STX7: variants seen among roughly 807,000 people sequenced by gnomAD.
The protein encoded by STX7 is syntaxin 7.
A neutral mutation model predicts 39.6 loss-of-function variants in STX7; 34 were observed. The observed-to-expected ratio is 0.86, with a 90% CI of 0.65 to 1.14. The LOEUF (loss-of-function observed/expected upper bound fraction) is 1.14, where lower values mean the gene tolerates loss of function less well. Ranked by LOEUF, STX7 falls within the 50% of genes most tolerant of loss-of-function variation. STX7 has a pLI of 0.00. For missense variants in STX7, 284 were observed against 310.4 expected, an observed-to-expected ratio of 0.92 and a Z score of 0.64; for synonymous variants, 119 against 99.1, an observed-to-expected ratio of 1.20 and a Z score of -1.19.
In STX7 at chr6:132,490,877, T is replaced by C. The variant is rs927909749; in HGVS notation, c.85+12569A>G. Reference sequence around the variant, plus strand: ...GTGCATCTTGGGGCCGATGAAGTGATTGGGATGACATCAGGGATGGAGCGG... The same window carrying C: ...GTGCATCTTGGGGCCGATGAAGTGACTGGGATGACATCAGGGATGGAGCGG... On this transcript the variant is annotated intron_variant, in intron 2 of 9. Coordinates refer to ENST00000367941, the MANE Select transcript of STX7 (RefSeq NM_003569.3). Among the ~76,000 whole-genome samples, 8 of 152,088 alleles carry C rather than the reference T, an allele frequency of 5.3e-5. No individual in the cohort carries two copies. In the South Asian group the frequency reaches 8.3e-4, roughly 16 times the overall value.
At chr6:132,492,781 C>T (rs1775327144) in intron 2 of STX7, among the ~76,000 whole-genome samples, 1 of 152,190 alleles carries the variant, frequency 6.6e-6, no homozygotes, top group Admixed American at 6.5e-5. Context: ...TAATACAAGG[C>T]ACAAAGTAAA....
At position 132,508,802 on chromosome 6, in the gene STX7, G is replaced by T. The variant is rs77368883; in HGVS notation, c.-59+4205C>A. 2.6e-3 allele frequency among the ~76,000 whole-genome samples: 396 copies of T among 152,276 alleles called. 3 individuals carry two copies. Among genetic ancestry groups the T allele is most frequent in the East Asian group, 0.019 (100 of 5,186 alleles). ...GCTGGGATTACAGGTTTGAGCCACT[G>T]TATCTAGCCAGGAATCATGTGTGAA... On this transcript the variant is annotated intron_variant, in intron 1 of 9. Transcript: ENST00000367941.
At position 132,448,384 on chromosome 6, in the gene STX7, C is replaced by T. The variant is rs1774063009; in HGVS notation, c.*12374G>A. On this transcript the variant is annotated 3_prime_UTR_variant, in exon 10 of 10. Transcript: ENST00000367941. ...TTCATCTTTATTCTTAAGTGAAAGT[C>T]CCTTGTTTGTAAATTCTCATTTTGA... is the stretch of plus-strand genomic sequence containing the variant. 6.6e-6 allele frequency: 1 copy of T among 152,130 alleles called. No individual in the cohort carries two copies. Among genetic ancestry groups the T allele is most frequent in the South Asian group, 2.1e-4 (1 of 4,826 alleles). The allele number at this position is 152,130 out of a possible 1,614,324, so 9.4% of individuals were successfully genotyped here.
intron 1 of STX7, among the ~76,000 whole-genome samples, chr6:132,512,328 C>T (rs1775867557): frequency 6.6e-6 from 1 of 152,042 alleles, no homozygotes; most frequent in South Asian, 2.1e-4. Flanking sequence ...ATCAGAAATG[C>T]AACTTTTTTT....
At chr6:132,499,253 T>C (rs1257144139) in intron 2 of STX7, among the ~76,000 whole-genome samples, 2 of 152,250 alleles carry the variant, frequency 1.3e-5, no homozygotes, top group African/African-American at 4.8e-5. Flanking sequence ...CAGAGTCTGC[T>C]AGTTGCCTAC....
At chr6:132,484,868 A>T (rs1187180324) in intron 2 of STX7, among the ~76,000 whole-genome samples, 1 of 152,186 alleles carries the variant, frequency 6.6e-6, no homozygotes, top group Non-Finnish European at 1.5e-5. Context: ...GTGAGAAAGC[A>T]CCTATTTCTC....
At position 132,449,368 on chromosome 6, in the gene STX7, T is replaced by C. The variant is rs1774092694; in HGVS notation, c.*11390A>G. The C allele has an allele frequency of 6.6e-6, 1 of 152,126 alleles. No homozygotes were observed. Among genetic ancestry groups the C allele is most frequent in the Admixed American group, 6.6e-5 (1 of 15,254 alleles). 9.4% of individuals were successfully genotyped at this position (152,126 alleles called of 1,614,324 possible). A position where few individuals can be genotyped will look rare whatever the true frequency, so the allele number is the denominator to read the frequency against. Reference sequence around the variant, plus strand: ...TTGATCTCAAACTCCTGGCTTCAAGTGATCCTTCTGCTTTGGCCTCCCAAA... The same window carrying C: ...TTGATCTCAAACTCCTGGCTTCAAGCGATCCTTCTGCTTTGGCCTCCCAAA... On this transcript the variant is annotated 3_prime_UTR_variant, in exon 10 of 10. Coordinates refer to ENST00000367941, the MANE Select transcript of STX7 (RefSeq NM_003569.3).
At chr6:132,470,129 CA>C in intron 6 of STX7, 82 bp from the exon 7 acceptor site, 1 of 983,902 alleles carries the variant, frequency 1.0e-6, no homozygotes. Flanking sequence ...AAGATATATT[CA>C]TTAAATAGGA....
At position 132,449,932 on chromosome 6, in the gene STX7, G is replaced by C. The variant is rs1774104823; in HGVS notation, c.*10826C>G. 2 of 152,166 alleles carry C rather than the reference G, an allele frequency of 1.3e-5. No homozygotes were observed. The highest frequency in any genetic ancestry group is 2.9e-5 in the Non-Finnish European group (2 of 68,012). 9.4% of individuals were successfully genotyped at this position (152,166 alleles called of 1,614,324 possible). A position where few individuals can be genotyped will look rare whatever the true frequency, so the allele number is the denominator to read the frequency against. On this transcript the variant is annotated 3_prime_UTR_variant, in exon 10 of 10. Coordinates refer to ENST00000367941, the MANE Select transcript of STX7 (RefSeq NM_003569.3). ...TTAATTAGGGAGGCTTTCCTTCGGA[G>C]GGGATTTTCATCCACTTCTTAGAGT...
At position 132,448,514 on chromosome 6, in the gene STX7, CT is replaced by C; in HGVS notation, c.*12243del. ...TACCTTAATGATGTTATTCCACTGTCTTTTGCCTTCCAGTTTTGGCACTGAA... is the reference window on the plus strand; with the variant it reads ...TACCTTAATGATGTTATTCCACTGTCTTTGCCTTCCAGTTTTGGCACTGAA... On this transcript the variant is annotated 3_prime_UTR_variant, in exon 10 of 10. Transcript: ENST00000367941. 6.6e-6 allele frequency: 1 copy of C among 152,280 alleles called. No homozygotes were observed. Among genetic ancestry groups the C allele is most frequent in the Non-Finnish European group, 1.5e-5 (1 of 68,036 alleles). 9.4% of individuals were successfully genotyped at this position (152,280 alleles called of 1,614,324 possible).
chr6:132,483,440 A>C (rs1470347063), intron 2 of STX7, among the ~76,000 whole-genome samples: 1 of 152,174 alleles, frequency 6.6e-6, no homozygotes, highest in Non-Finnish European at 1.5e-5. Flanking sequence ...TATCTAGTAA[A>C]ATATTTAACA....
At chr6:132,500,525 G>A (rs950938055) in intron 2 of STX7, among the ~76,000 whole-genome samples, 2 of 152,062 alleles carry the variant, frequency 1.3e-5, no homozygotes, top group African/African-American at 4.8e-5. Context: ...TAAAGTAAAG[G>A]TAGCTTCCCC....
chr6:132,498,020 A>G (rs931782005), intron 2 of STX7, among the ~76,000 whole-genome samples: 3 of 152,196 alleles, frequency 2.0e-5, no homozygotes, highest in Admixed American at 6.5e-5. Context: ...GGGTTGAAAA[A>G]GACTGGATGG....
intron 2 of STX7, among the ~76,000 whole-genome samples, chr6:132,478,515 TA>T (rs1189239000): frequency 6.6e-6 from 1 of 151,916 alleles, no homozygotes; most frequent in Non-Finnish European, 1.5e-5. Flanking sequence ...CCCACTCTAA[TA>T]AAAAAATAAA....
intron 1 of STX7, among the ~76,000 whole-genome samples, chr6:132,511,339 G>A (rs528118531): frequency 6.6e-6 from 1 of 152,232 alleles, no homozygotes; most frequent in East Asian, 1.9e-4. Context: ...TGATCTCCAC[G>A]TGACTGGCTC....
Position 132,458,762 on chromosome 6 carries a change from CAAACTT to C in STX7, c.*1990_*1995del, listed in dbSNP as rs1162621614. ...AATATTTCATGGGAAATTTTTCCCT[CAAACTT>C]AATATGTTTCTTAAACAAATTGAAG... On this transcript the variant is annotated 3_prime_UTR_variant, in exon 10 of 10. Coordinates refer to ENST00000367941, the MANE Select transcript of STX7 (RefSeq NM_003569.3). 1 of 152,160 alleles carries C rather than the reference CAAACTT, an allele frequency of 6.6e-6. No individual in the cohort carries two copies. Among genetic ancestry groups the C allele is most frequent in the African/African-American group, 2.4e-5 (1 of 41,438 alleles). 9.4% of individuals were successfully genotyped at this position (152,160 alleles called of 1,614,324 possible). A position where few individuals can be genotyped will look rare whatever the true frequency, so the allele number is the denominator to read the frequency against.
rs759205081 is a variant in STX7, at chr6:132,454,919, A to G, written c.*5839T>C. 2.6e-5 allele frequency: 4 copies of G among 152,162 alleles called. No individual in the cohort carries two copies. Among genetic ancestry groups the G allele is most frequent in the Non-Finnish European group, 5.9e-5 (4 of 68,014 alleles). 9.4% of individuals were successfully genotyped at this position (152,162 alleles called of 1,614,324 possible). A position where few individuals can be genotyped will look rare whatever the true frequency, so the allele number is the denominator to read the frequency against. On this transcript the variant is annotated 3_prime_UTR_variant, in exon 10 of 10. Transcript: ENST00000367941. ...GTACTTAAATGTTAAAACTATGATA[A>G]CCTTTATGAGGCTGAACATTAAATC...
chr6:132,460,777 A>G lies in STX7; in HGVS notation c.767T>C (p.Ile256Thr), dbSNP rs1774374155. The stretch of plus-strand genomic sequence containing the variant: ...ATAACTTCAGTGGTTCAATCCCCAT[A>G]TGATGAGACTGATAATCGCAACTCC... Reference protein sequence around the residue: ...VIGVAIISLIIWGLNH With the variant: ...VIGVAIISLITWGLNH Residue 256 changes from isoleucine (I) to threonine (T), a missense_variant, in exon 10 of 10, where the codon ATA (isoleucine) becomes ACA (threonine). Ile to Thr is a moderately conservative substitution (Grantham distance 89, BLOSUM62 -1). Transcript: ENST00000367941. 1 of 1,613,464 alleles carries G rather than the reference A, an allele frequency of 6.2e-7. No individual in the cohort carries two copies. Among genetic ancestry groups the G allele is most frequent in the African/African-American group, 1.3e-5 (1 of 75,038 alleles).
chr6:132,475,021 T>C (rs368308544), intron 3 of STX7, among the ~76,000 whole-genome samples: 1 of 152,072 alleles, frequency 6.6e-6, no homozygotes, highest in Non-Finnish European at 1.5e-5. Context: ...TAAATTGAGA[T>C]ACTAGAGTAT....
Sources: gnomAD v4.1 joint callset for allele counts (sites outside exome capture counted in the v4.1 genomes callset) on GRCh38, gnomAD v4.1.1 for gene constraint, MANE v1.5 for transcripts, NCBI Gene and HGNC (gene_info 2026-07-23, HGNC 2026-07-21) for gene names.